Variants in CDK14 observed in about 807,000 individuals in gnomAD.
CDK14 encodes cyclin dependent kinase 14.
Under a neutral mutation model 60.7 loss-of-function variants are expected in CDK14, and 34 were observed. That is an observed-to-expected ratio of 0.56 (90% CI 0.43 to 0.75). The LOEUF (loss-of-function observed/expected upper bound fraction) is 0.75. Among genes scored for constraint, CDK14 ranks in the 30% least tolerant of loss-of-function variants. The probability of loss-of-function intolerance (pLI) is 0.00; values close to 1 mark genes in which losing one functional copy is unlikely to be tolerated. For synonymous variants in CDK14, 197 were observed against 203.7 expected, an observed-to-expected ratio of 0.97 and a Z score of 0.28; for missense variants, 482 against 564.1, an observed-to-expected ratio of 0.85 and a Z score of 1.47.
intron 14 of CDK14, among the ~76,000 whole-genome samples, chr7:91,187,967 A>G (rs1458204274): frequency 6.6e-6 from 1 of 152,212 alleles, no homozygotes; most frequent in Non-Finnish European, 1.5e-5. Flanking sequence ...AGTCCCAGGT[A>G]GCCTTTTCCT....
intron 5 of CDK14, among the ~76,000 whole-genome samples, chr7:90,829,028 T>G (rs550172625): frequency 1.3e-5 from 2 of 152,230 alleles, no homozygotes; most frequent in South Asian, 4.2e-4. Context: ...AGGCACATCT[T>G]ACATGGCAGC....
chr7:90,983,901 C>G (rs927191370), intron 9 of CDK14, among the ~76,000 whole-genome samples: 1 of 152,090 alleles, frequency 6.6e-6, no homozygotes, highest in Admixed American at 6.6e-5. Flanking sequence ...GGTTAACAAA[C>G]TATTGGGTAC....
intron 5 of CDK14, among the ~76,000 whole-genome samples, chr7:90,824,120 G>A (rs139936373): frequency 2.0e-5 from 3 of 152,320 alleles, no homozygotes; most frequent in African/African-American, 7.2e-5. Context: ...AGATGTAGGT[G>A]TGACTGAAGC....
At chr7:90,694,026 T>C (rs1801607683) in intron 2 of CDK14, among the ~76,000 whole-genome samples, 1 of 152,204 alleles carries the variant, frequency 6.6e-6, no homozygotes. Context: ...TAAAGGGATG[T>C]CCATGACATG....
chr7:90,840,429 C>G (rs560344517), intron 5 of CDK14, among the ~76,000 whole-genome samples: 3 of 152,238 alleles, frequency 2.0e-5, no homozygotes, highest in African/African-American at 7.2e-5. Flanking sequence ...AAAAATATAT[C>G]CAAAAGAATA....
At chr7:90,905,002 G>T (rs1161631136) in intron 7 of CDK14, among the ~76,000 whole-genome samples, 1 of 152,162 alleles carries the variant, frequency 6.6e-6, no homozygotes, top group Non-Finnish European at 1.5e-5. Flanking sequence ...GATGCACAAG[G>T]AGTTGAAAAT....
intron 5 of CDK14, among the ~76,000 whole-genome samples, chr7:90,862,138 T>G (rs535849508): frequency 7.2e-4 from 109 of 152,194 alleles, no homozygotes; most frequent in African/African-American, 2.5e-3. Context: ...AAGACTAAAT[T>G]GCAAGGTACC....
At chr7:90,900,735 T>A (rs1377628575) in intron 7 of CDK14, among the ~76,000 whole-genome samples, 1 of 152,182 alleles carries the variant, frequency 6.6e-6, no homozygotes, top group East Asian at 1.9e-4. Flanking sequence ...GAGCTAACTT[T>A]GACTTCCTGA....
At chr7:91,204,074 A>G (rs1166556548) in intron 14 of CDK14, among the ~76,000 whole-genome samples, 1 of 152,188 alleles carries the variant, frequency 6.6e-6, no homozygotes, top group East Asian at 1.9e-4. Flanking sequence ...GGAGTGGTCA[A>G]GTGAGCCTTA....
At chr7:91,202,359 G>C (rs1359832409) in intron 14 of CDK14, among the ~76,000 whole-genome samples, 1 of 152,172 alleles carries the variant, frequency 6.6e-6, no homozygotes, top group African/African-American at 2.4e-5. Context: ...CTGAAAGCAA[G>C]ATAAAAATGG....
intron 6 of CDK14, among the ~76,000 whole-genome samples, chr7:90,888,917 T>C (rs1398954717): frequency 6.6e-6 from 1 of 152,254 alleles, no homozygotes; most frequent in Non-Finnish European, 1.5e-5. Context: ...GGCTTGTGAA[T>C]GGTTTGCCAG....
At chr7:90,704,455 G>A (rs1801853593) in intron 2 of CDK14, among the ~76,000 whole-genome samples, 2 of 152,160 alleles carry the variant, frequency 1.3e-5, no homozygotes, top group African/African-American at 2.4e-5. Context: ...TGGCATGTAT[G>A]TGTGTTTATT....
intron 5 of CDK14, among the ~76,000 whole-genome samples, chr7:90,793,661 A>G (rs575831628): frequency 1.3e-5 from 2 of 152,342 alleles, no homozygotes; most frequent in Admixed American, 6.5e-5. Flanking sequence ...TGTCATCACA[A>G]TAATTGAACA....
intron 5 of CDK14, among the ~76,000 whole-genome samples, chr7:90,831,214 G>A (rs182809725): frequency 1.1e-4 from 16 of 152,270 alleles, no homozygotes; most frequent in Non-Finnish European, 1.5e-5. Context: ...AAACAAAAGA[G>A]GTTTAATTGA....
At chr7:91,190,175 G>A (rs1263797380) in intron 14 of CDK14, among the ~76,000 whole-genome samples, 1 of 152,190 alleles carries the variant, frequency 6.6e-6, no homozygotes. Context: ...CATGGAGGGG[G>A]TTCTGCTCAT....
intron 10 of CDK14, among the ~76,000 whole-genome samples, chr7:91,029,498 A>G (rs1363269792): frequency 6.6e-6 from 1 of 150,518 alleles, no homozygotes; most frequent in Non-Finnish European, 1.5e-5. Context: ...TTTTTTTTTA[A>G]TCGGTGTTTT....
intron 2 of CDK14, among the ~76,000 whole-genome samples, chr7:90,682,412 C>CA (rs1801335511): frequency 6.6e-6 from 1 of 152,120 alleles, no homozygotes; most frequent in Non-Finnish European, 1.5e-5. Context: ...ATCAATCAAT[C>CA]ATCTGTCGGT....
At chr7:90,948,561 T>TA (rs1480655046) in intron 8 of CDK14, among the ~76,000 whole-genome samples, 1 of 152,240 alleles carries the variant, frequency 6.6e-6, no homozygotes, top group Non-Finnish European at 1.5e-5. Context: ...AACTTTTTCT[T>TA]ACAGGGCCAG....
intron 14 of CDK14, among the ~76,000 whole-genome samples, chr7:91,148,287 C>G (rs1800718248): frequency 6.6e-6 from 1 of 152,036 alleles, no homozygotes; most frequent in African/African-American, 2.4e-5. Context: ...GTGGGGAAAT[C>G]ACTTGGGCTG....
Sources: gnomAD v4.1 joint callset for allele counts (sites outside exome capture counted in the v4.1 genomes callset) on GRCh38, gnomAD v4.1.1 for gene constraint, MANE v1.5 for transcripts, NCBI Gene and HGNC (gene_info 2026-07-23, HGNC 2026-07-21) for gene names.